The following MTFMT variants were observed in gnomAD, a reference collection of about 807,000 sequenced individuals.
MTFMT encodes the protein methionyl-tRNA formyltransferase, mitochondrial.
Under a neutral mutation model 51.8 loss-of-function variants are expected in MTFMT, and 47 were observed. The ratio of observed to expected loss-of-function variants is 0.91; its 90% CI spans 0.72 to 1.16. The LOEUF is 1.16. Ranked by LOEUF, MTFMT falls within the 50% of genes most tolerant of loss-of-function variation. The pLI, the probability that MTFMT is intolerant of heterozygous loss-of-function variation, is 0.00. For missense variants in MTFMT, 512 were observed against 482.3 expected (o/e 1.06, Z -0.58); for synonymous variants, 196 against 176.7 (o/e 1.11, Z -0.87).
At chr15:65,013,438 T>G (rs553048075) in intron 6 of MTFMT, among the ~76,000 whole-genome samples, 2 of 152,162 alleles carry the variant, frequency 1.3e-5, no homozygotes, top group Non-Finnish European at 1.5e-5. Context: ...ATGATGTTAG[T>G]TACAGGGTCT....
At chr15:65,006,227 T>C in intron 6 of MTFMT, 36 bp from the exon 7 acceptor site, 1 of 1,503,182 alleles carries the variant, frequency 6.7e-7, no homozygotes, top group Non-Finnish European at 9.2e-7. Context: ...GATAAAGGAA[T>C]ACACTCAACT....
chr15:65,029,433 C>T lies in MTFMT; in HGVS notation c.181G>A (p.Glu61Lys). 1 of 1,505,474 alleles carries T rather than the reference C, an allele frequency of 6.6e-7. No homozygotes were observed. 93.3% of individuals were successfully genotyped at this position (1,505,474 alleles called of 1,614,324 possible). A position where few individuals can be genotyped will look rare whatever the true frequency, so the allele number is the denominator to read the frequency against. The part of the protein sequence containing the change: ...LFFGTDQFAR[E>K]ALRALHAARE... ...GCGGCGTGCAGCGCCCGCAGCGCCT[C>T]GCGGGCGAACTGGTCCGTGCCGAAG... The change falls in exon 1 of 9, where the codon GAG becomes AAG. Residue 61 changes from glutamate (E) to lysine (K), a missense_variant. By Grantham distance (56) the Glu-to-Lys change is moderately conservative. Coordinates refer to ENST00000220058, the MANE Select transcript of MTFMT (RefSeq NM_139242.4).
intron 6 of MTFMT, among the ~76,000 whole-genome samples, chr15:65,012,129 C>CAA (rs58093427): frequency 1.2e-4 from 7 of 58,678 alleles, no homozygotes; most frequent in African/African-American, 3.5e-4. Context: ...GCACTCTTGT[C>CAA]AAAAAAAAAA....
rs2086179423 is a variant in MTFMT at position 65,001,915 on chromosome 15, A to G, written c.*1147T>C. On this transcript the variant is annotated 3_prime_UTR_variant, in exon 9 of 9. Coordinates refer to ENST00000220058, the MANE Select transcript of MTFMT (RefSeq NM_139242.4). ...ATCTGGATGTAAAATGTTAATTTAT[A>G]GTACAGATCAATGTGGCAGAGATTA... 1 of 152,188 alleles carries G rather than the reference A, an allele frequency of 6.6e-6. No homozygotes were observed. Among genetic ancestry groups the G allele is most frequent in the African/African-American group, 2.4e-5 (1 of 41,432 alleles). 9.4% of individuals were successfully genotyped at this position (152,188 alleles called of 1,614,324 possible).
At chr15:65,011,059 T>C (rs568359208) in intron 6 of MTFMT, among the ~76,000 whole-genome samples, 4 of 152,310 alleles carry the variant, frequency 2.6e-5, no homozygotes, top group African/African-American at 9.6e-5. Flanking sequence ...CAGTGGCTCA[T>C]GCCTGTAATC....
intron 2 of MTFMT, 58 bp downstream of exon 2, chr15:65,026,773 A>G: frequency 7.8e-7 from 1 of 1,275,168 alleles, no homozygotes; most frequent in Admixed American, 2.1e-5. Context: ...TTTATATACA[A>G]GGTCCATTTA....
At chr15:65,029,112 G>C in intron 1 of MTFMT, 1 of 237,250 alleles carries the variant, frequency 4.2e-6, no homozygotes, top group Non-Finnish European at 6.9e-6. Flanking sequence ...TGGCCCGGGG[G>C]ATGCAGGCAG....
intron 6 of MTFMT, among the ~76,000 whole-genome samples, chr15:65,007,689 C>T (rs994840616): frequency 5.3e-5 from 8 of 152,146 alleles, no homozygotes; most frequent in Non-Finnish European, 1.0e-4. Flanking sequence ...TTATTATTAG[C>T]GAAGCTGAGA....
At chr15:65,003,845 C>CAAAAAAAAAAAAAAAAAAAAAAAA (rs768884218) in intron 8 of MTFMT, among the ~76,000 whole-genome samples, 2 of 40,644 alleles carry the variant, frequency 4.9e-5, no homozygotes, top group African/African-American at 1.8e-4. Context: ...AACTCCATCT[C>CAAAAAAAAAAAAAAAAAAAAAAAA]AAAAAAAAAA....
At chr15:65,015,227 C>G (rs1393213646) in intron 6 of MTFMT, among the ~76,000 whole-genome samples, 1 of 152,006 alleles carries the variant, frequency 6.6e-6, no homozygotes, top group Non-Finnish European at 1.5e-5. Flanking sequence ...AAGATGGAAC[C>G]CAGCACTGTC....
intron 8 of MTFMT, among the ~76,000 whole-genome samples, chr15:65,003,631 T>C (rs950099186): frequency 2.0e-5 from 3 of 149,140 alleles, no homozygotes; most frequent in Non-Finnish European, 4.5e-5. Context: ...CCGAGGCGGG[T>C]GGATCACCTG....
At chr15:65,011,452 T>C (rs1226810369) in intron 6 of MTFMT, among the ~76,000 whole-genome samples, 1 of 151,684 alleles carries the variant, frequency 6.6e-6, no homozygotes, top group East Asian at 1.9e-4. Flanking sequence ...AGTTATATGA[T>C]TTGCAAATAT....
In MTFMT at chr15:65,023,723, A is replaced by C; in HGVS notation, c.491T>G (p.Leu164Arg). ...RGPAPVIHTV[L>R]HGDTVTGVTI... ...TACTCCAGTAACTGTGTCTCCGTGA[A>C]GCACTGTATGGATTACAGGGGCTGG... The change falls in exon 3 of 9, where the codon CTT (leucine) becomes CGT (arginine). Residue 164 changes from leucine (L) to arginine (R), a missense_variant. Leu to Arg is a moderately radical substitution (Grantham distance 102). Coordinates refer to ENST00000220058, the MANE Select transcript of MTFMT (RefSeq NM_139242.4). The C allele has an allele frequency of 6.2e-7, 1 of 1,613,750 alleles. No individual in the cohort carries two copies. The highest frequency in any genetic ancestry group is 8.5e-7 in the Non-Finnish European group (1 of 1,179,676).
chr15:65,016,622 T>C, intron 5 of MTFMT, 95 bp from the exon 6 acceptor site: 1 of 661,094 alleles, frequency 1.5e-6, no homozygotes, highest in Non-Finnish European at 2.5e-6. Context: ...AGAGAATTCA[T>C]TCTAACCTCT....
chr15:65,027,143 C>G, intron 1 of MTFMT, 103 bp from the exon 2 acceptor site: 1 of 803,184 alleles, frequency 1.2e-6, no homozygotes, highest in Non-Finnish European at 2.0e-6. Context: ...TCTCATGAAG[C>G]ATTTAGGGCT....
chr15:65,029,334 T>G, intron 1 of MTFMT, 71 bp downstream of exon 1: 9 of 1,345,348 alleles, frequency 6.7e-6, no homozygotes, highest in Non-Finnish European at 8.6e-6. Flanking sequence ...TCCAAAACCC[T>G]CGGGGCCGGC....
At chr15:65,025,157 G>T (rs757024398) in intron 2 of MTFMT, among the ~76,000 whole-genome samples, 1 of 151,548 alleles carries the variant, frequency 6.6e-6, no homozygotes, top group African/African-American at 2.4e-5. Context: ...AACTTTGGGA[G>T]GCCAAGGCAG....
In MTFMT at chr15:65,026,854, C is replaced by T. The variant is rs139698971; in HGVS notation, c.396G>A (p.Glu132=). 1.7e-4 allele frequency: 278 copies of T among 1,613,776 alleles called. 1 individual carries two copies. The African/African-American group carries it at 3.4e-3, about 20-fold the overall frequency. ...VVASFGRLLN[E]ALILKFPYGI... is the part of the protein sequence containing the mutation. The stretch of plus-strand genomic sequence containing the variant: ...ACTAGGGAAATTTAAGAATAAGAGC[C>T]TCATTCAAAAGTCGGCCAAACGAAG... The change falls in exon 2 of 9, where the codon GAG becomes GAA. Residue 132 remains glutamate, a synonymous_variant. Transcript: ENST00000220058.
In MTFMT at chr15:65,006,155, T is replaced by C; in HGVS notation, c.850A>G (p.Lys284Glu). 3.1e-6 allele frequency: 5 copies of C among 1,612,976 alleles called. No individual in the cohort carries two copies. The highest frequency in any genetic ancestry group is 4.2e-6 in the Non-Finnish European group (5 of 1,179,332). ...LQTLWMANTIKLLDLVEVNSS... is the reference protein window; with the variant it reads ...LQTLWMANTIELLDLVEVNSS... ...TTAACTTCTACCAAATCCAGAAGTTTAATGGTATTCGCCATCCAGAGCGTC... is the reference window on the plus strand; with the variant it reads ...TTAACTTCTACCAAATCCAGAAGTTCAATGGTATTCGCCATCCAGAGCGTC... Residue 284 changes from lysine (K) to glutamate (E), a missense_variant, in exon 7 of 9, where the codon AAA (lysine) becomes GAA (glutamate). Coordinates refer to ENST00000220058, the MANE Select transcript of MTFMT (RefSeq NM_139242.4).
Sources: allele counts gnomAD v4.1 joint callset (sites outside exome capture counted in the v4.1 genomes callset), GRCh38; gene constraint gnomAD v4.1.1; transcripts MANE v1.5; gene names NCBI Gene and HGNC (gene_info 2026-07-23, HGNC 2026-07-21).